Variants in FAM117B observed in about 807,000 individuals in gnomAD.
FAM117B encodes family with sequence similarity 117 member B.
A neutral mutation model predicts 52.8 loss-of-function variants in FAM117B; 22 were observed. That is an observed-to-expected ratio of 0.42 (90% CI 0.30 to 0.59). The LOEUF (loss-of-function observed/expected upper bound fraction) is 0.59. FAM117B is among the 20% of genes least tolerant of loss of function. FAM117B has a pLI of 0.22. For missense variants in FAM117B, 678 were observed against 802.6 expected, an observed-to-expected ratio of 0.84 and a Z score of 1.88; for synonymous variants, 309 against 324.1, an observed-to-expected ratio of 0.95 and a Z score of 0.50.
rs1691800162 is a variant in FAM117B at position 202,756,342 on chromosome 2, A to AG, written c.1104+663dup. On this transcript the variant is annotated intron_variant, in intron 5 of 7. Coordinates refer to ENST00000392238, the MANE Select transcript of FAM117B (RefSeq NM_173511.4). ...GCAGGGAGAATCGCTTGAACCCGGGAGGTGAAGGTTGCAGTGAGCTGAGAT... is the reference window on the plus strand; with the variant it reads ...GCAGGGAGAATCGCTTGAACCCGGGAGGGTGAAGGTTGCAGTGAGCTGAGAT... Among the ~76,000 whole-genome samples the AG allele has an allele frequency of 2.6e-5, 4 of 151,760 alleles. No homozygotes were observed. The South Asian group carries it at 8.3e-4, about 32-fold the overall frequency.
At chr2:202,724,713 A>G (rs1382962762) in intron 2 of FAM117B, among the ~76,000 whole-genome samples, 1 of 152,188 alleles carries the variant, frequency 6.6e-6, no homozygotes, top group East Asian at 1.9e-4. Context: ...TTTATTAGCA[A>G]TAAAAATGAA....
At chr2:202,745,645 A>G (rs1346928430) in intron 4 of FAM117B, among the ~76,000 whole-genome samples, 1 of 152,232 alleles carries the variant, frequency 6.6e-6, no homozygotes, top group Non-Finnish European at 1.5e-5. Context: ...TAATTAGAAG[A>G]TGTAGACTGG....
At chr2:202,732,873 TAAA>T (rs34605625) in intron 4 of FAM117B, among the ~76,000 whole-genome samples, 6 of 132,348 alleles carry the variant, frequency 4.5e-5, no homozygotes, top group East Asian at 2.2e-4. Flanking sequence ...AACATGCTAG[TAAA>T]AAAAAAAAAA....
At chr2:202,695,411 A>G (rs1292280241) in intron 1 of FAM117B, among the ~76,000 whole-genome samples, 1 of 152,150 alleles carries the variant, frequency 6.6e-6, no homozygotes, top group Non-Finnish European at 1.5e-5. Flanking sequence ...ATCCCCCACC[A>G]GGAACGTGAA....
At chr2:202,715,951 G>A (rs529958856) in intron 2 of FAM117B, among the ~76,000 whole-genome samples, 2 of 151,978 alleles carry the variant, frequency 1.3e-5, no homozygotes, top group African/African-American at 4.8e-5. Flanking sequence ...GCGTGGTGGC[G>A]CGTGCCTGCA....
At chr2:202,760,608 G>A (rs1451097073) in intron 7 of FAM117B, among the ~76,000 whole-genome samples, 1 of 152,112 alleles carries the variant, frequency 6.6e-6, no homozygotes, top group African/African-American at 2.4e-5. Flanking sequence ...TTTTTCTAGT[G>A]TAGAAGCCAT....
intron 4 of FAM117B, among the ~76,000 whole-genome samples, chr2:202,752,211 G>C (rs189423841): frequency 6.6e-6 from 1 of 152,268 alleles, no homozygotes; most frequent in Non-Finnish European, 1.5e-5. Context: ...TTAGACGCCA[G>C]GCACCATACC....
intron 2 of FAM117B, among the ~76,000 whole-genome samples, chr2:202,715,021 A>C (rs1337599662): frequency 5.9e-5 from 9 of 152,192 alleles, no homozygotes; most frequent in South Asian, 2.1e-4. Context: ...CATTGTCATC[A>C]TGGCCCGTTC....
intron 1 of FAM117B, among the ~76,000 whole-genome samples, chr2:202,646,529 G>A (rs1187167853): frequency 1.3e-5 from 2 of 152,096 alleles, no homozygotes; most frequent in African/African-American, 4.8e-5. Context: ...AGCCTGTCTC[G>A]TTAATTTCTA....
At chr2:202,675,685 T>C (rs942226743) in intron 1 of FAM117B, among the ~76,000 whole-genome samples, 1 of 151,958 alleles carries the variant, frequency 6.6e-6, no homozygotes, top group Non-Finnish European at 1.5e-5. Flanking sequence ...GACTCAATTC[T>C]AACAAAAGAA....
At chr2:202,713,128 G>C (rs1690983284) in intron 2 of FAM117B, among the ~76,000 whole-genome samples, 1 of 152,096 alleles carries the variant, frequency 6.6e-6, no homozygotes, top group Admixed American at 6.5e-5. Context: ...TAAATGTTTG[G>C]TGGAATTCAG....
chr2:202,709,178 C>CT (rs946008455), intron 2 of FAM117B, among the ~76,000 whole-genome samples: 53 of 146,716 alleles, frequency 3.6e-4, no homozygotes, highest in South Asian at 1.3e-3. Context: ...CCTTAGCCCA[C>CT]TTTTTTTTTT....
chr2:202,716,543 G>A (rs934574619), intron 2 of FAM117B, among the ~76,000 whole-genome samples: 9 of 149,290 alleles, frequency 6.0e-5, no homozygotes, highest in Admixed American at 5.3e-4. Context: ...TAGTGTATCT[G>A]TTGTTGTATG....
At chr2:202,742,953 G>A (rs963073521) in intron 4 of FAM117B, among the ~76,000 whole-genome samples, 3 of 152,048 alleles carry the variant, frequency 2.0e-5, no homozygotes, top group African/African-American at 4.8e-5. Context: ...AAACCACCTC[G>A]GGGCCTGGAG....
chr2:202,748,875 A>G (rs2105796683), intron 4 of FAM117B, among the ~76,000 whole-genome samples: 2 of 152,224 alleles, frequency 1.3e-5, no homozygotes, highest in Non-Finnish European at 2.9e-5. Flanking sequence ...CTCGGTAGCC[A>G]TTGTATGGAA....
intron 4 of FAM117B, among the ~76,000 whole-genome samples, chr2:202,739,975 C>T (rs1315854625): frequency 1.3e-5 from 2 of 151,530 alleles, no homozygotes; most frequent in African/African-American, 4.9e-5. Context: ...AGTTTGAGAC[C>T]ATCCTGGCTA....
chr2:202,735,966 T>C (rs367744246), intron 4 of FAM117B, among the ~76,000 whole-genome samples: 29 of 152,160 alleles, frequency 1.9e-4, no homozygotes, highest in African/African-American at 7.0e-4. Flanking sequence ...TGTGGGTGTT[T>C]TGTGGCTGTT....
chr2:202,733,496 C>T (rs911599481), intron 4 of FAM117B, among the ~76,000 whole-genome samples: 2 of 152,084 alleles, frequency 1.3e-5, no homozygotes, highest in African/African-American at 4.8e-5. Flanking sequence ...ACTCCCAGAG[C>T]GGCTGTTTAT....
chr2:202,692,134 C>T (rs1690640523), intron 1 of FAM117B, among the ~76,000 whole-genome samples: 1 of 152,164 alleles, frequency 6.6e-6, no homozygotes, highest in South Asian at 2.1e-4. Context: ...AAGACCCTTA[C>T]CAAGATAATA....
Sources: gnomAD v4.1 joint callset for allele counts (sites outside exome capture counted in the v4.1 genomes callset) on GRCh38, gnomAD v4.1.1 for gene constraint, MANE v1.5 for transcripts, NCBI Gene and HGNC (gene_info 2026-07-23, HGNC 2026-07-21) for gene names.